The following TRRAP variants were observed in gnomAD, a reference collection of about 807,000 sequenced individuals.
TRRAP encodes transformation/transcription domain associated protein, also known as transformation/transcription domain-associated protein.
A neutral mutation model predicts 438.8 loss-of-function variants in TRRAP; 41 were observed. The observed-to-expected ratio is 0.09, with a 90% CI of 0.07 to 0.12. TRRAP has a LOEUF of 0.12. Among genes scored for constraint, TRRAP ranks in the 10% least tolerant of loss-of-function variants. TRRAP has a pLI of 1.00. For synonymous variants in TRRAP, 1,994 were observed against 1,962.9 expected, an observed-to-expected ratio of 1.02 and a Z score of -0.42; for missense variants, 3,122 against 5,055.1, an observed-to-expected ratio of 0.62 and a Z score of 11.60.
chr7:98,934,549 G>A (rs1790472362), intron 27 of TRRAP, among the ~76,000 whole-genome samples: 1 of 152,168 alleles, frequency 6.6e-6, no homozygotes, highest in Non-Finnish European at 1.5e-5. Flanking sequence ...AGTATTGAGG[G>A]CATGAAACTG....
chr7:98,942,837 AAC>A, intron 30 of TRRAP, 110 bp from the exon 31 acceptor site: 1 of 1,128,162 alleles, frequency 8.9e-7, no homozygotes, highest in South Asian at 1.4e-5. Context: ...TAATAATGGA[AAC>A]ACTGCAGTTC....
At chr7:98,896,074 GA>G (rs1242377993) in intron 7 of TRRAP, among the ~76,000 whole-genome samples, 1 of 152,052 alleles carries the variant, frequency 6.6e-6, no homozygotes, top group Non-Finnish European at 1.5e-5. Context: ...AGAAATTTTG[GA>G]AAAATAATTG....
chr7:98,949,183 G>C (rs1401597324), intron 35 of TRRAP, among the ~76,000 whole-genome samples: 1 of 151,886 alleles, frequency 6.6e-6, no homozygotes, highest in African/African-American at 2.4e-5. Context: ...AGTGAGCTAT[G>C]ATTTTACCAC....
At chr7:98,881,553 CAG>C (rs1795434453) in intron 2 of TRRAP, 2 of 236,314 alleles carry the variant, frequency 8.5e-6, no homozygotes, top group Admixed American at 1.2e-4. Context: ...GCCTGGGTGA[CAG>C]AGCGAGACTC....
chr7:99,003,120 C>T (rs1346422836), intron 67 of TRRAP, among the ~76,000 whole-genome samples: 1 of 152,150 alleles, frequency 6.6e-6, no homozygotes, highest in Non-Finnish European at 1.5e-5. Context: ...CCCTGCTTTG[C>T]TGCAGTTTTG....
At chr7:98,891,536 C>CT (rs561135092) in intron 4 of TRRAP, among the ~76,000 whole-genome samples, 1,921 of 116,956 alleles carry the variant, frequency 0.016, 52 homozygotes, top group African/African-American at 0.051. Context: ...GCATGTAGCT[C>CT]TTTTTTTTTT....
chr7:98,963,417 A>T (rs1244001954), intron 47 of TRRAP, among the ~76,000 whole-genome samples: 1 of 152,078 alleles, frequency 6.6e-6, no homozygotes, highest in Non-Finnish European at 1.5e-5. Context: ...CCCGCTGCTC[A>T]TTCTCTGGAG....
chr7:98,943,299 A>G (rs553092863), intron 31 of TRRAP, among the ~76,000 whole-genome samples: 2 of 152,210 alleles, frequency 1.3e-5, no homozygotes, highest in South Asian at 2.1e-4. Context: ...TAGTATTTCA[A>G]TTTTACCAGC....
chr7:98,890,265 A>T, intron 3 of TRRAP, 70 bp from the exon 4 acceptor site: 2 of 1,016,280 alleles, frequency 2.0e-6, no homozygotes, highest in East Asian at 6.0e-5. Flanking sequence ...TGCAGTTATT[A>T]TAATGTGTAA....
intron 61 of TRRAP, 100 bp downstream of exon 61, chr7:98,984,458 G>A (rs1793065001): frequency 1.4e-6 from 2 of 1,398,880 alleles, no homozygotes; most frequent in Non-Finnish European, 1.9e-6. Flanking sequence ...TAAGGAAGGT[G>A]GACTCGAACT....
chr7:98,923,608 A>C (rs1554410985), intron 21 of TRRAP, among the ~76,000 whole-genome samples: 1 of 152,242 alleles, frequency 6.6e-6, no homozygotes, highest in East Asian at 1.9e-4. Context: ...CACCATTTAC[A>C]ACTGCTACTG....
chr7:98,927,293 G>A lies in TRRAP; in HGVS notation c.3102G>A (p.Leu1034=). 1 of 1,614,230 alleles carries A rather than the reference G, an allele frequency of 6.2e-7. No individual in the cohort carries two copies. Among genetic ancestry groups the A allele is most frequent in the East Asian group, 2.2e-5 (1 of 44,872 alleles). The change falls in exon 23 of 73, where the codon CTG becomes CTA. Residue 1034 remains leucine (L), a synonymous_variant. Coordinates refer to ENST00000456197, the MANE Select transcript of TRRAP (RefSeq NM_001375524.1). ...TCATGTCTGCTGTCATTAAGGACCT[G>A]CGGCCCAGCGCCCTGCCCTTTGTCG... is the stretch of plus-strand genomic sequence containing the variant. ...GAFMSAVIKD[L]RPSALPFVAS...
At chr7:98,960,656 G>A (rs998397115) in intron 45 of TRRAP, among the ~76,000 whole-genome samples, 1 of 151,982 alleles carries the variant, frequency 6.6e-6, no homozygotes, top group African/African-American at 2.4e-5. Flanking sequence ...CAGTGGCACA[G>A]TCTTGGCTCA....
intron 7 of TRRAP, among the ~76,000 whole-genome samples, chr7:98,896,415 T>C (rs1331670481): frequency 6.6e-6 from 1 of 152,078 alleles, no homozygotes; most frequent in African/African-American, 2.4e-5. Context: ...TCTTTTTTTT[T>C]GGCTGGGGGT....
chr7:98,950,109 C>T lies in TRRAP; in HGVS notation c.5181C>T (p.Ala1727=), dbSNP rs375489987. Reference sequence around the variant, plus strand: ...AATTGCTGTTCCAGCTGCTCCGAGCCTTTACTGGTCGTTTTCTCTGCAACA... The same window carrying T: ...AATTGCTGTTCCAGCTGCTCCGAGCTTTTACTGGTCGTTTTCTCTGCAACA... ...DIELLFQLLR[A]FTGRFLCNMT... The change falls in exon 38 of 73, where the codon GCC becomes GCT. Residue 1727 remains alanine, a synonymous_variant. Transcript: ENST00000456197. The T allele has an allele frequency of 1.9e-5, 31 of 1,614,112 alleles. No homozygotes were observed. In the African/African-American group the frequency reaches 2.8e-4, roughly 15 times the overall value.
chr7:98,964,927 AG>A (rs920838053), intron 48 of TRRAP, 152 bp downstream of exon 48: 1 of 1,059,298 alleles, frequency 9.4e-7, no homozygotes, highest in Non-Finnish European at 1.3e-6. Context: ...TCTTCAATGT[AG>A]GGGTTTAAAA....
intron 11 of TRRAP, 25 bp from the exon 12 acceptor site, chr7:98,903,352 CTG>C (rs782513984): frequency 8.2e-5 from 132 of 1,613,318 alleles, no homozygotes; most frequent in Non-Finnish European, 1.0e-4. Context: ...ATCCCTGTAA[CTG>C]TGTCATCTCA....
chr7:98,895,515 G>T (rs1366571166), intron 6 of TRRAP, among the ~76,000 whole-genome samples: 1 of 152,078 alleles, frequency 6.6e-6, no homozygotes, highest in Non-Finnish European at 1.5e-5. Flanking sequence ...GCAAAAACTG[G>T]CATTTATTTT....
At chr7:98,993,078 A>G (rs1793499696) in intron 65 of TRRAP, among the ~76,000 whole-genome samples, 1 of 152,238 alleles carries the variant, frequency 6.6e-6, no homozygotes, top group Non-Finnish European at 1.5e-5. Context: ...TGGCTTTCCA[A>G]ACCAGTTTCC....
Sources: gnomAD v4.1 joint callset for allele counts (sites outside exome capture counted in the v4.1 genomes callset) on GRCh38, gnomAD v4.1.1 for gene constraint, MANE v1.5 for transcripts, NCBI Gene and HGNC (gene_info 2026-07-23, HGNC 2026-07-21) for gene names.